Variants in URB2 observed in about 807,000 individuals in gnomAD.
The protein encoded by URB2 is unhealthy ribosome biogenesis protein 2 homolog.
URB2 carries 86 observed loss-of-function variants against 120.9 expected under a neutral mutation model. That is an observed-to-expected ratio of 0.71 (90% CI 0.60 to 0.85). URB2 has a LOEUF of 0.85. Among genes scored for constraint, URB2 ranks in the 40% least tolerant of loss-of-function variants. The probability of loss-of-function intolerance (pLI) is 0.00; values close to 1 mark genes in which losing one functional copy is unlikely to be tolerated. For synonymous variants in URB2, 755 were observed against 758.4 expected, an observed-to-expected ratio of 1.00 and a Z score of 0.07; for missense variants, 1,765 against 1,836.5, an observed-to-expected ratio of 0.96 and a Z score of 0.71.
chr1:229,648,529 T>C (rs1370729169), intron 7 of URB2, among the ~76,000 whole-genome samples: 2 of 152,204 alleles, frequency 1.3e-5, no homozygotes, highest in African/African-American at 2.4e-5. Context: ...TAGGGATAAA[T>C]GTCCCACAGA....
intron 1 of URB2, among the ~76,000 whole-genome samples, chr1:229,627,085 A>G (rs1665509931): frequency 6.6e-6 from 1 of 152,096 alleles, no homozygotes; most frequent in Non-Finnish European, 1.5e-5. Context: ...TATCTCTTGT[A>G]GAGTCTTTTT....
rs897893104 is a variant in URB2, at chr1:229,648,769, G to A, written c.4149+1017G>A. Among the ~76,000 whole-genome samples, 5 of 152,350 alleles carry A rather than the reference G, an allele frequency of 3.3e-5. No individual in the cohort carries two copies. In the South Asian group the frequency reaches 1.0e-3, roughly 32 times the overall value. ...CACCACTGTATGTGTGGCTGACTAT[G>A]TATGTAGGAACTCATAGATACGACG... On this transcript the variant is annotated intron_variant, in intron 7 of 9. Coordinates refer to ENST00000258243, the MANE Select transcript of URB2 (RefSeq NM_014777.4).
At chr1:229,646,578 G>GAA (rs1558169726) in intron 6 of URB2, among the ~76,000 whole-genome samples, 3 of 152,206 alleles carry the variant, frequency 2.0e-5, no homozygotes, top group Admixed American at 2.0e-4. Context: ...AGTTGTATGT[G>GAA]TGTGTGTGTT....
At chr1:229,626,965 C>CA (rs1665503381) in intron 1 of URB2, among the ~76,000 whole-genome samples, 1 of 152,142 alleles carries the variant, frequency 6.6e-6, no homozygotes, top group South Asian at 2.1e-4. Flanking sequence ...TTAGGAAACT[C>CA]AAAGCCAAGT....
intron 8 of URB2, among the ~76,000 whole-genome samples, chr1:229,653,910 C>T (rs1666338735): frequency 7.1e-6 from 1 of 140,268 alleles, no homozygotes; most frequent in Non-Finnish European, 1.5e-5. Flanking sequence ...TTTCCATTTG[C>T]CTTTATTATA....
chr1:229,642,996 T>C (rs1480952061), intron 4 of URB2, among the ~76,000 whole-genome samples: 1 of 152,226 alleles, frequency 6.6e-6, no homozygotes, highest in Non-Finnish European at 1.5e-5. Flanking sequence ...ATTATATTCT[T>C]ACAATCAAGT....
chr1:229,628,187 T>TATGTATATATATTATACATATAC (rs1665569775), intron 2 of URB2, among the ~76,000 whole-genome samples: 4 of 67,582 alleles, frequency 5.9e-5, no homozygotes, highest in Non-Finnish European at 1.4e-4. Context: ...ATATAATATA[T>TATGTATATATATTATACATATAC]ATAATATATA....
At chr1:229,628,867 A>G (rs1422588367) in intron 2 of URB2, among the ~76,000 whole-genome samples, 1 of 152,220 alleles carries the variant, frequency 6.6e-6, no homozygotes, top group African/African-American at 2.4e-5. Flanking sequence ...GATGGATGAC[A>G]TATGTAAAGC....
chr1:229,647,573 G>A lies in URB2; in HGVS notation c.3970G>A (p.Asp1324Asn), dbSNP rs539716346. 325 of 1,614,104 alleles carry A rather than the reference G, an allele frequency of 2.0e-4. No individual in the cohort carries two copies. Among genetic ancestry groups the A allele is most frequent in the Non-Finnish European group, 2.6e-4 (308 of 1,180,042 alleles). The change falls in exon 7 of 10, where the codon GAT becomes AAT. Residue 1324 changes from aspartate to asparagine, a missense_variant. Coordinates refer to ENST00000258243, the MANE Select transcript of URB2 (RefSeq NM_014777.4). ...CCTCACAGTGGTCGGGCCTGTCTTA[G>A]ATGTCCTGGCTGCACTGCTGCGGCA... ...VSLTVVGPVL[D>N]VLAALLRQGE...
At chr1:229,628,806 A>G (rs990848919) in intron 2 of URB2, among the ~76,000 whole-genome samples, 1 of 152,262 alleles carries the variant, frequency 6.6e-6, no homozygotes, top group Non-Finnish European at 1.5e-5. Context: ...AAATTGGATT[A>G]ATACACATCC....
At chr1:229,628,237 A>G (rs886452721) in intron 2 of URB2, among the ~76,000 whole-genome samples, 2 of 145,390 alleles carry the variant, frequency 1.4e-5, no homozygotes, top group South Asian at 2.1e-4. Context: ...ATATGTATAT[A>G]TATTATACAT....
At chr1:229,659,070 G>A (rs757414058) in intron 9 of URB2, 30 bp from the exon 10 acceptor site, 16 of 1,597,936 alleles carry the variant, frequency 1.0e-5, no homozygotes, top group African/African-American at 5.4e-5. Flanking sequence ...GCCCCCAATT[G>A]TTCTCACAGA....
intron 6 of URB2, among the ~76,000 whole-genome samples, chr1:229,646,944 T>G (rs1666159189): frequency 6.6e-6 from 1 of 152,244 alleles, no homozygotes; most frequent in African/African-American, 2.4e-5. Context: ...CCAATTTGGC[T>G]GCTTTGTCAT....
chr1:229,645,742 C>T (rs1571878360), intron 5 of URB2, 117 bp from the exon 6 acceptor site: 4 of 859,588 alleles, frequency 4.7e-6, no homozygotes, highest in Non-Finnish European at 7.8e-6. Context: ...CCCCTGACAC[C>T]AGGGCTCTCA....
Position 229,637,203 on chromosome 1 carries a change from A to C in URB2, c.2590A>C (p.Ile864Leu), listed in dbSNP as rs768077441. Reference sequence around the variant, plus strand: ...ATTTGCAAAAGCTGGACCCGAAGGTATAGAACCTAGAGGAGAAATTGCCCA... The same window carrying C: ...ATTTGCAAAAGCTGGACCCGAAGGTCTAGAACCTAGAGGAGAAATTGCCCA... ...NRFAKAGPEG[I>L]EPRGEIAQNL... The change falls in exon 4 of 10, where the codon ATA becomes CTA. Residue 864 changes from isoleucine (I) to leucine (L), a missense_variant. Transcript: ENST00000258243. 5.0e-6 allele frequency: 8 copies of C among 1,613,948 alleles called. No individual in the cohort carries two copies. Among genetic ancestry groups the C allele is most frequent in the Non-Finnish European group, 5.9e-6 (7 of 1,179,840 alleles).
At chr1:229,648,355 A>G (rs932257058) in intron 7 of URB2, among the ~76,000 whole-genome samples, 2 of 152,212 alleles carry the variant, frequency 1.3e-5, no homozygotes, top group African/African-American at 4.8e-5. Flanking sequence ...AATCTATACT[A>G]TTTAAGGAAG....
intron 8 of URB2, among the ~76,000 whole-genome samples, chr1:229,651,964 C>T (rs1666284681): frequency 6.6e-6 from 1 of 152,064 alleles, no homozygotes; most frequent in South Asian, 2.1e-4. Context: ...GGTGGATTAC[C>T]TGAGGTCAGG....
Position 229,627,710 on chromosome 1 carries a change from C to T in URB2, c.77C>T (p.Ala26Val), listed in dbSNP as rs1464595071. 1 of 1,613,058 alleles carries T rather than the reference C, an allele frequency of 6.2e-7. No individual in the cohort carries two copies. The highest frequency in any genetic ancestry group is 8.5e-7 in the Non-Finnish European group (1 of 1,179,448). The change falls in exon 2 of 10, where the codon GCT becomes GTT. Residue 26 changes from alanine to valine, a missense_variant. Physicochemically the swap from Ala to Val is moderately conservative, Grantham distance 64. Coordinates refer to ENST00000258243, the MANE Select transcript of URB2 (RefSeq NM_014777.4). ...TCCTGGGAAGATAAACTAAAACTAG[C>T]TCACTTTGCTTGGATTTCTCACCAG... is the stretch of plus-strand genomic sequence containing the variant. ...TTSWEDKLKLAHFAWISHQCF... is the reference protein window; with the variant it reads ...TTSWEDKLKLVHFAWISHQCF...
rs1666184301 is a variant in URB2 at position 229,647,654 on chromosome 1, C to T, written c.4051C>T (p.Leu1351Phe). 6.2e-7 allele frequency: 1 copy of T among 1,614,198 alleles called. No homozygotes were observed. The highest frequency in any genetic ancestry group is 2.2e-5 in the East Asian group (1 of 44,876). The change falls in exon 7 of 10, where the codon CTC becomes TTC. Residue 1351 changes from leucine (L) to phenylalanine (F), a missense_variant. By Grantham distance (22) the Leu-to-Phe change is conservative. Coordinates refer to ENST00000258243, the MANE Select transcript of URB2 (RefSeq NM_014777.4). ...HHVSLAFSIL[L>F]TVPLDHLKPL... ...CGTCAGCCTGGCCTTCAGCATCCTT[C>T]TCACTGTCCCTTTGGACCATCTGAA...
Sources: allele counts gnomAD v4.1 joint callset (sites outside exome capture counted in the v4.1 genomes callset), GRCh38; gene constraint gnomAD v4.1.1; transcripts MANE v1.5; gene names NCBI Gene and HGNC (gene_info 2026-07-23, HGNC 2026-07-21).